The following EPB41 variants were observed in gnomAD, a reference collection of about 807,000 sequenced individuals.
The protein encoded by EPB41 is erythrocyte membrane protein band 4.1, also known as protein 4.1.
EPB41 carries 65 observed loss-of-function variants against 108.0 expected under a neutral mutation model. That is an observed-to-expected ratio of 0.60 (90% confidence interval 0.49 to 0.74). EPB41 has a LOEUF of 0.74. Among genes scored for constraint, EPB41 ranks in the 30% least tolerant of loss-of-function variants. EPB41 has a pLI of 0.00. For missense variants in EPB41, 875 were observed against 1,037.0 expected (o/e 0.84, Z 2.15); for synonymous variants, 336 against 358.9 (o/e 0.94, Z 0.72).
At chr1:28,906,605 A>G (rs751202468) in intron 1 of EPB41, among the ~76,000 whole-genome samples, 2 of 152,142 alleles carry the variant, frequency 1.3e-5, no homozygotes, top group Non-Finnish European at 2.9e-5. Context: ...AGTAGTCAGG[A>G]CAGCCTTTCC....
intron 1 of EPB41, among the ~76,000 whole-genome samples, chr1:28,949,568 A>G (rs1340770913): frequency 2.0e-5 from 3 of 151,548 alleles, no homozygotes; most frequent in Admixed American, 1.3e-4. Context: ...GAATTCTGCT[A>G]TTTCCTTTTT....
At chr1:28,984,906 G>A (rs1295526631) in intron 1 of EPB41, among the ~76,000 whole-genome samples, 1 of 152,124 alleles carries the variant, frequency 6.6e-6, no homozygotes, top group African/African-American at 2.4e-5. Context: ...TGATCCTCCT[G>A]CCTCGACCTC....
chr1:28,896,786 C>T (rs557925417), intron 1 of EPB41, among the ~76,000 whole-genome samples: 1 of 151,736 alleles, frequency 6.6e-6, no homozygotes, highest in South Asian at 2.1e-4. Context: ...TGAGAGATGC[C>T]GAGATCTTGG....
chr1:28,893,732 G>C (rs969432519), intron 1 of EPB41: 1 of 152,432 alleles, frequency 6.6e-6, no homozygotes, highest in South Asian at 2.1e-4. Context: ...TTTTTCTTTG[G>C]CTGTGCTGTG....
chr1:29,067,664 T>TAAAA (rs11398608), intron 16 of EPB41, among the ~76,000 whole-genome samples: 1 of 134,442 alleles, frequency 7.4e-6, no homozygotes, highest in African/African-American at 2.8e-5. Flanking sequence ...GACTCCGTCT[T>TAAAA]AAAAAAAAAA....
At chr1:29,071,537 T>A (rs183475616) in intron 16 of EPB41, 3 of 152,364 alleles carry the variant, frequency 2.0e-5, no homozygotes, top group Admixed American at 6.5e-5. Context: ...ATATACTTTG[T>A]TTTCCTGATA....
intron 16 of EPB41, among the ~76,000 whole-genome samples, chr1:29,066,979 C>CT (rs111984130): frequency 0.012 from 1,734 of 144,872 alleles, 20 homozygotes; most frequent in African/African-American, 0.04. Flanking sequence ...CCAGCTAAAA[C>CT]TTTTTTTTTT....
At chr1:28,986,976 G>C (rs1041040460) in intron 1 of EPB41, among the ~76,000 whole-genome samples, 6 of 152,146 alleles carry the variant, frequency 3.9e-5, no homozygotes, top group African/African-American at 1.2e-4. Context: ...GAACAATAAA[G>C]ACTGGGGGAA....
At chr1:29,107,851 CAAAA>C (rs58046908) in intron 17 of EPB41, among the ~76,000 whole-genome samples, 4 of 62,822 alleles carry the variant, frequency 6.4e-5, no homozygotes, top group Admixed American at 2.2e-4. Context: ...AACTCCATCT[CAAAA>C]AAAAAAAAAA....
At chr1:29,098,065 T>C in intron 17 of EPB41, 130 bp downstream of exon 17, 2 of 1,343,898 alleles carry the variant, frequency 1.5e-6, no homozygotes, top group Non-Finnish European at 2.1e-6. Context: ...TAGAAGAGAT[T>C]ACTGGTCTAA....
chr1:29,118,623 T>G lies in EPB41; in HGVS notation c.*1811T>G, dbSNP rs1671371140. The G allele has an allele frequency of 6.6e-6, 1 of 152,272 alleles. No homozygotes were observed. The highest frequency in any genetic ancestry group is 1.5e-5 in the Non-Finnish European group (1 of 68,074). 9.4% of individuals were successfully genotyped at this position (152,272 alleles called of 1,614,324 possible). A position where few individuals can be genotyped will look rare whatever the true frequency, so the allele number is the denominator to read the frequency against. ...AAAGTCTCCACTGCCTGAGTTTTGT[T>G]TCGGCTGGTTTGAACTCATTTCGGG... On this transcript the variant is annotated 3_prime_UTR_variant, in exon 21 of 21. Coordinates refer to ENST00000343067, the MANE Select transcript of EPB41 (RefSeq NM_001376013.1).
At chr1:29,086,462 C>T (rs375198138) in intron 16 of EPB41, among the ~76,000 whole-genome samples, 50 of 151,810 alleles carry the variant, frequency 3.3e-4, no homozygotes, top group African/African-American at 1.2e-3. Context: ...TTAGTAGAGA[C>T]GGGGTTTCAC....
intron 1 of EPB41, among the ~76,000 whole-genome samples, chr1:28,915,374 G>T (rs1570468419): frequency 6.6e-6 from 1 of 152,040 alleles, no homozygotes; most frequent in Admixed American, 6.6e-5. Context: ...TTTTCAGTTC[G>T]CGCATCTGTC....
At chr1:28,897,446 G>A (rs2090786818) in intron 1 of EPB41, among the ~76,000 whole-genome samples, 1 of 151,918 alleles carries the variant, frequency 6.6e-6, no homozygotes. Context: ...CTACTTGGGA[G>A]GCTGAGGTGG....
intron 1 of EPB41, among the ~76,000 whole-genome samples, chr1:28,959,837 CT>C (rs527546084): frequency 2.3e-4 from 34 of 146,260 alleles, no homozygotes; most frequent in Admixed American, 2.7e-4. Context: ...GTTTTCTTTT[CT>C]TTTTTTTTTG....
intron 14 of EPB41, among the ~76,000 whole-genome samples, chr1:29,059,428 G>C (rs2150913066): frequency 6.6e-6 from 1 of 152,050 alleles, no homozygotes; most frequent in East Asian, 1.9e-4. Flanking sequence ...ATTTCACAAT[G>C]ACATCATATT....
chr1:28,944,072 C>A (rs1038674814), intron 1 of EPB41, among the ~76,000 whole-genome samples: 2 of 152,104 alleles, frequency 1.3e-5, no homozygotes, highest in African/African-American at 4.8e-5. Context: ...ATGGATGGAA[C>A]TAACTGGAGT....
intron 17 of EPB41, among the ~76,000 whole-genome samples, chr1:29,099,284 A>AAAAG (rs1553303620): frequency 2.7e-5 from 4 of 150,340 alleles, no homozygotes; most frequent in African/African-American, 7.3e-5. Flanking sequence ...AAAAAAAAAA[A>AAAAG]AAGAAGAAGA....
In EPB41 at chr1:29,053,134, C is replaced by T. The variant is rs1407526030; in HGVS notation, c.1667C>T (p.Pro556Leu). Residue 556 changes from proline (P) to leucine (L), a missense_variant, in exon 12 of 21, where the codon CCT becomes CTT. Physicochemically the swap from Pro to Leu is moderately conservative, Grantham distance 98 (BLOSUM62 -3). Around this residue, in one of 3 missense-constraint regions of EPB41, gnomAD observed 519 missense variants for 627.3 expected, o/e 0.83. Coordinates refer to ENST00000343067, the MANE Select transcript of EPB41 (RefSeq NM_001376013.1). ...GCTGTCGATTCGGCAGACCGAAGTC[C>T]TCGGCCCACTTCTGCACCTGCCATT... The part of the protein sequence containing the change: ...AAAVDSADRS[P>L]RPTSAPAITQ... The T allele has an allele frequency of 1.9e-6, 3 of 1,614,178 alleles. No homozygotes were observed. The highest frequency in any genetic ancestry group is 3.3e-4 in the Middle Eastern group (2 of 6,050).
Sources: allele counts gnomAD v4.1 joint callset (sites outside exome capture counted in the v4.1 genomes callset), GRCh38; gene constraint gnomAD v4.1.1; regional missense constraint gnomAD v4.1.1; transcripts MANE v1.5; gene names NCBI Gene and HGNC (gene_info 2026-07-23, HGNC 2026-07-21).